The following DPH6 variants were observed in gnomAD, a reference collection of about 807,000 sequenced individuals.
DPH6 encodes the protein diphthine--ammonia ligase.
DPH6 carries 33 observed loss-of-function variants against 38.2 expected under a neutral mutation model. That is an observed-to-expected ratio of 0.86 (90% CI 0.65 to 1.15). DPH6 has a LOEUF of 1.15. Ranked by LOEUF, DPH6 falls within the 50% of genes most tolerant of loss-of-function variation. The pLI, the probability that DPH6 is intolerant of heterozygous loss-of-function variation, is 0.00. For synonymous variants in DPH6, 108 were observed against 103.0 expected (o/e 1.05, Z -0.30); for missense variants, 325 against 320.0 (o/e 1.02, Z -0.12).
At chr15:35,184,115 T>C in the DPH6 span, among the ~76,000 whole-genome samples, 1 of 152,218 alleles carries the variant, frequency 6.6e-6, no homozygotes, top group Admixed American at 6.5e-5. Flanking sequence ...GCAACAGATG[T>C]AAATGTAACA....
At chr15:35,427,119 AAGAGGATGTGAGGTTT>A (rs1279667961) in intron 5 of DPH6, among the ~76,000 whole-genome samples, 2 of 151,862 alleles carry the variant, frequency 1.3e-5, no homozygotes, top group Non-Finnish European at 2.9e-5. Flanking sequence ...ACAGCAAGTA[AAGAGGATGTGAGGTTT>A]AGAGGATGTA....
rs72703195 is a variant in DPH6, at chr15:35,413,905, G to C, written c.506-3009C>G. Among the ~76,000 whole-genome samples the C allele has an allele frequency of 1.8e-3, 270 of 151,686 alleles. 1 individual carries two copies. The highest frequency in any genetic ancestry group is 4.3e-3 in the East Asian group (22 of 5,168). On this transcript the variant is annotated intron_variant, in intron 5 of 8. Transcript: ENST00000256538. ...TCTGCTGATCAGAATGCTATAGAGT[G>C]AATTTCTACTTTTCGGATAATCATC...
intron 3 of DPH6, among the ~76,000 whole-genome samples, chr15:35,319,740 A>C (rs1013726769): frequency 2.0e-5 from 3 of 152,012 alleles, no homozygotes; most frequent in African/African-American, 4.8e-5. Context: ...ATTCCATCTC[A>C]AGAAATATAT....
At chr15:35,215,728 C>T (rs898895821), downstream of DPH6, among the ~76,000 whole-genome samples, 4 of 152,138 alleles carry the variant, frequency 2.6e-5, no homozygotes, top group South Asian at 2.1e-4. Flanking sequence ...CCATTTAATG[C>T]GCTAGGCATT....
chr15:35,303,744 G>T (rs1455112032), intron 3 of DPH6, among the ~76,000 whole-genome samples: 3 of 149,372 alleles, frequency 2.0e-5, no homozygotes, highest in Admixed American at 1.3e-4. Context: ...CTCTTCATTT[G>T]ATATTCTATA....
chr15:35,227,329 G>A (rs981613528), intron 3 of DPH6, among the ~76,000 whole-genome samples: 89 of 151,380 alleles, frequency 5.9e-4, no homozygotes, highest in Non-Finnish European at 9.0e-4. Flanking sequence ...GACTACAGGC[G>A]CCCGCCACCA....
At chr15:35,156,222 A>G in the DPH6 span, among the ~76,000 whole-genome samples, 10,689 of 152,278 alleles carry the variant, frequency 0.07, 521 homozygotes, top group East Asian at 0.24. Flanking sequence ...TGTTTTTGGC[A>G]TATGTTGTAC....
At chr15:35,528,964 C>T (rs763678934) in intron 3 of DPH6, among the ~76,000 whole-genome samples, 22 of 152,072 alleles carry the variant, frequency 1.4e-4, no homozygotes, top group Admixed American at 3.9e-4. Flanking sequence ...ACTTATTTTC[C>T]ACCACTCCTC....
intron 3 of DPH6, among the ~76,000 whole-genome samples, chr15:35,270,782 T>A (rs1379932276): frequency 6.6e-6 from 1 of 152,204 alleles, no homozygotes; most frequent in African/African-American, 2.4e-5. Context: ...ATTCTCCTAA[T>A]AAGGAAATGA....
downstream of DPH6, among the ~76,000 whole-genome samples, chr15:35,214,034 C>A (rs1331286147): frequency 6.6e-6 from 1 of 151,852 alleles, no homozygotes; most frequent in East Asian, 1.9e-4. Flanking sequence ...ATGGCGTGAA[C>A]CCGCGAGACA....
At chr15:35,146,547 C>T in the DPH6 span, among the ~76,000 whole-genome samples, 4 of 152,174 alleles carry the variant, frequency 2.6e-5, no homozygotes, top group Non-Finnish European at 4.4e-5. Flanking sequence ...ATTATTTCAA[C>T]ATGATCTCAT....
At chr15:35,489,827 A>G in intron 3 of DPH6, 1 of 980,378 alleles carries the variant, frequency 1.0e-6, no homozygotes, top group Non-Finnish European at 1.2e-6. Flanking sequence ...CTAATAATGT[A>G]CTTTTAAAAG....
At chr15:35,521,348 C>T in intron 3 of DPH6, 1 of 1,016,828 alleles carries the variant, frequency 9.8e-7, no homozygotes, top group Non-Finnish European at 1.2e-6. Context: ...GTTGAATGTA[C>T]AATCCTATGA....
chr15:35,416,254 C>T (rs1383349842), intron 5 of DPH6, among the ~76,000 whole-genome samples: 1 of 152,054 alleles, frequency 6.6e-6, no homozygotes, highest in African/African-American at 2.4e-5. Flanking sequence ...AGACATTTCA[C>T]ACAGGGCAGA....
the DPH6 span, among the ~76,000 whole-genome samples, chr15:35,202,145 T>C: frequency 6.6e-6 from 1 of 151,894 alleles, no homozygotes; most frequent in Non-Finnish European, 1.5e-5. Flanking sequence ...AATCTTAAAA[T>C]ATAGAATTCT....
chr15:35,368,057 A>G (rs1229544026), downstream of DPH6, among the ~76,000 whole-genome samples: 1 of 151,996 alleles, frequency 6.6e-6, no homozygotes, highest in Non-Finnish European at 1.5e-5. Flanking sequence ...TATGTAACCT[A>G]GTAGAAAGAA....
intron 6 of DPH6, among the ~76,000 whole-genome samples, chr15:35,387,096 G>A (rs1394253011): frequency 1.3e-5 from 2 of 152,124 alleles, no homozygotes; most frequent in Non-Finnish European, 2.9e-5. Context: ...TATTAAATAG[G>A]GAATCCTTTC....
intron 3 of DPH6, among the ~76,000 whole-genome samples, chr15:35,243,511 C>T (rs1389283719): frequency 6.9e-6 from 1 of 144,882 alleles, no homozygotes; most frequent in African/African-American, 2.5e-5. Context: ...TGAAAAGGTC[C>T]TGCCCCGCCT....
chr15:35,165,454 A>G, the DPH6 span, among the ~76,000 whole-genome samples: 2 of 152,030 alleles, frequency 1.3e-5, no homozygotes, highest in African/African-American at 4.8e-5. Context: ...TTTCAAATAT[A>G]TCAATAACAA....
Sources: allele counts gnomAD v4.1 joint callset (sites outside exome capture counted in the v4.1 genomes callset), GRCh38; gene constraint gnomAD v4.1.1; transcripts MANE v1.5; gene names NCBI Gene and HGNC (gene_info 2026-07-23, HGNC 2026-07-21).